MYO1E: variants seen among roughly 807,000 people sequenced by gnomAD.
MYO1E encodes the protein unconventional myosin-Ie.
Under a neutral mutation model 151.1 loss-of-function variants are expected in MYO1E, and 68 were observed. The observed-to-expected ratio is 0.45, with a 90% CI of 0.37 to 0.55. The LOEUF (loss-of-function observed/expected upper bound fraction) is 0.55, where lower values mean the gene tolerates loss of function less well. Ranked by LOEUF, MYO1E falls within the 20% of genes least tolerant of loss-of-function variation. MYO1E has a pLI of 0.00. For synonymous variants in MYO1E, 601 were observed against 501.7 expected (o/e 1.20, Z -2.64); for missense variants, 1,363 against 1,389.3 (o/e 0.98, Z 0.30).
chr15:59,140,902 T>C (rs1014752662), intron 26 of MYO1E, among the ~76,000 whole-genome samples: 5 of 152,144 alleles, frequency 3.3e-5, no homozygotes, highest in Admixed American at 1.3e-4. Context: ...CCTGCACTTT[T>C]CTCTTAGTGC....
intron 1 of MYO1E, among the ~76,000 whole-genome samples, chr15:59,288,478 C>T (rs1333916003): frequency 1.3e-5 from 2 of 152,124 alleles, no homozygotes; most frequent in African/African-American, 2.4e-5. Flanking sequence ...TACCCAGCCC[C>T]GTTCAGTGCT....
chr15:59,261,302 T>G (rs2080223298), intron 3 of MYO1E, 118 bp downstream of exon 3: 2 of 540,938 alleles, frequency 3.7e-6, no homozygotes, highest in Non-Finnish European at 6.7e-6. Flanking sequence ...TCACTCAAGT[T>G]TCTCCAATAA....
chr15:59,170,023 T>TGG (rs1164908119), intron 22 of MYO1E, among the ~76,000 whole-genome samples: 4 of 151,702 alleles, frequency 2.6e-5, no homozygotes, highest in African/African-American at 7.3e-5. Context: ...TAGCCAGGGG[T>TGG]GGTGGCTCAG....
At chr15:59,343,156 T>C (rs1314922480) in intron 1 of MYO1E, among the ~76,000 whole-genome samples, 2 of 152,206 alleles carry the variant, frequency 1.3e-5, no homozygotes, top group Non-Finnish European at 2.9e-5. Context: ...TTCTTTCAGA[T>C]TGAAGAACTC....
At chr15:59,309,399 T>C (rs2140409368) in intron 1 of MYO1E, among the ~76,000 whole-genome samples, 1 of 152,358 alleles carries the variant, frequency 6.6e-6, no homozygotes, top group East Asian at 1.9e-4. Context: ...ATTTTCTGAC[T>C]TGTCAAAGGA....
chr15:59,154,506 G>A (rs1303181010), intron 25 of MYO1E, among the ~76,000 whole-genome samples: 1 of 152,236 alleles, frequency 6.6e-6, no homozygotes, highest in Non-Finnish European at 1.5e-5. Flanking sequence ...CGTATGAAGA[G>A]GCCCTTATTC....
chr15:59,252,906 G>A (rs1455851178), intron 4 of MYO1E, among the ~76,000 whole-genome samples: 1 of 151,982 alleles, frequency 6.6e-6, no homozygotes, highest in Non-Finnish European at 1.5e-5. Flanking sequence ...GAAAAGCAAA[G>A]GAAAAAGAAA....
intron 5 of MYO1E, among the ~76,000 whole-genome samples, chr15:59,233,954 T>C (rs1596377798): frequency 6.6e-6 from 1 of 152,124 alleles, no homozygotes; most frequent in Admixed American, 6.5e-5. Flanking sequence ...TTTTACATAT[T>C]GGGTTAAATA....
At chr15:59,212,082 C>T (rs2079882573) in intron 12 of MYO1E, among the ~76,000 whole-genome samples, 1 of 152,072 alleles carries the variant, frequency 6.6e-6, no homozygotes, top group Non-Finnish European at 1.5e-5. Flanking sequence ...CCTGCAAGTT[C>T]CCATACAATC....
At chr15:59,213,728 T>C (rs1010467599) in intron 12 of MYO1E, among the ~76,000 whole-genome samples, 1 of 151,864 alleles carries the variant, frequency 6.6e-6, no homozygotes, top group East Asian at 1.9e-4. Flanking sequence ...CCCAAAGTGC[T>C]AGGATTACAG....
At chr15:59,323,168 C>CA (rs10569332) in intron 1 of MYO1E, among the ~76,000 whole-genome samples, 6,104 of 63,654 alleles carry the variant, frequency 0.096, 483 homozygotes, top group African/African-American at 0.2. Context: ...GACCCCATCA[C>CA]AAAAAAAAAA....
At chr15:59,211,129 G>A (rs964748631) in intron 12 of MYO1E, among the ~76,000 whole-genome samples, 1 of 151,640 alleles carries the variant, frequency 6.6e-6, no homozygotes, top group East Asian at 1.9e-4. Context: ...GAACCCAGAA[G>A]GTGGAGGTTG....
intron 7 of MYO1E, among the ~76,000 whole-genome samples, chr15:59,226,579 G>A (rs80182222): frequency 0.014 from 2,087 of 152,272 alleles, 45 homozygotes; most frequent in African/African-American, 0.047. Context: ...GGCTGAGGTG[G>A]GTGGGTCACT....
At chr15:59,364,508 C>T (rs144278133) in intron 1 of MYO1E, among the ~76,000 whole-genome samples, 2 of 152,220 alleles carry the variant, frequency 1.3e-5, no homozygotes, top group African/African-American at 4.8e-5. Context: ...AATACTGCCA[C>T]CAAAATATAA....
At position 59,223,128 on chromosome 15, in the gene MYO1E, C is replaced by T. The variant is rs1280405023; in HGVS notation, c.841G>A (p.Gly281Ser). 3 of 1,614,060 alleles carry T rather than the reference C, an allele frequency of 1.9e-6. No homozygotes were observed. The highest frequency in any genetic ancestry group is 2.5e-6 in the Non-Finnish European group (3 of 1,180,040). ...EQTLVLQIVA[G>S]ILHLGNISFK... The stretch of plus-strand genomic sequence containing the variant: ...CTGATGTTTCCCAGGTGGAGAATAC[C>T]CGCCACTATCTGCAACACCAGCGTT... The change falls in exon 9 of 28, where the codon GGT becomes AGT. Residue 281 changes from glycine to serine, a missense_variant. By Grantham distance (56) the Gly-to-Ser change is moderately conservative. Coordinates refer to ENST00000288235, the MANE Select transcript of MYO1E (RefSeq NM_004998.4).
At position 59,209,815 on chromosome 15, in the gene MYO1E, C is replaced by CTTTTTTTTTTTTTTTTTTTTT. The variant is rs71119441; in HGVS notation, c.1362+678_1362+698dup. ...CTGTATCACTTTTATTTTGAATCAC[C>CTTTTTTTTTTTTTTTTTTTTT]TTTTTTTTTTTTTTTTTTTTTTTTT... On this transcript the variant is annotated intron_variant, in intron 13 of 27. Transcript: ENST00000288235. Among the ~76,000 whole-genome samples, 4 of 49,870 alleles carry CTTTTTTTTTTTTTTTTTTTTT rather than the reference C, an allele frequency of 8.0e-5. 1 individual carries two copies. Among genetic ancestry groups the CTTTTTTTTTTTTTTTTTTTTT allele is most frequent in the African/African-American group, 1.0e-4 (1 of 9,984 alleles). The allele number at this position is 49,870 out of a possible 152,430, so 32.7% of individuals were successfully genotyped here. A position where few individuals can be genotyped will look rare whatever the true frequency, so the allele number is the denominator to read the frequency against.
chr15:59,366,422 GGGACTATA>G (rs2080913986), intron 1 of MYO1E, among the ~76,000 whole-genome samples: 1 of 151,992 alleles, frequency 6.6e-6, no homozygotes, highest in Admixed American at 6.6e-5. Flanking sequence ...CCAAGTAGCT[GGGACTATA>G]GTGCATGACA....
chr15:59,328,234 A>G (rs553724086), intron 1 of MYO1E, among the ~76,000 whole-genome samples: 4 of 152,294 alleles, frequency 2.6e-5, no homozygotes, highest in African/African-American at 9.6e-5. Context: ...GTGAGAGTGG[A>G]GTAGTACATT....
At chr15:59,309,936 T>C (rs982992526) in intron 1 of MYO1E, among the ~76,000 whole-genome samples, 5 of 152,110 alleles carry the variant, frequency 3.3e-5, no homozygotes, top group African/African-American at 7.2e-5. Context: ...TCCCACTACA[T>C]CAGATCTTAG....
Sources: allele counts gnomAD v4.1 joint callset (sites outside exome capture counted in the v4.1 genomes callset), GRCh38; gene constraint gnomAD v4.1.1; transcripts MANE v1.5; gene names NCBI Gene and HGNC (gene_info 2026-07-23, HGNC 2026-07-21).